The following CDH12 variants were observed in gnomAD, a reference collection of about 807,000 sequenced individuals.
CDH12 encodes the protein cadherin-12.
Under a neutral mutation model 74.1 loss-of-function variants are expected in CDH12, and 41 were observed. The observed-to-expected ratio is 0.55, with a 90% CI of 0.43 to 0.72. The LOEUF is 0.72. CDH12 is among the 30% of genes least tolerant of loss of function. CDH12 has a pLI of 0.00. For synonymous variants in CDH12, 399 were observed against 355.0 expected (o/e 1.12, Z -1.39); for missense variants, 945 against 977.2 (o/e 0.97, Z 0.44).
At chr5:22,539,769 A>C (rs561852237) in intron 1 of CDH12, among the ~76,000 whole-genome samples, 1 of 152,346 alleles carries the variant, frequency 6.6e-6, no homozygotes, top group African/African-American at 2.4e-5. Flanking sequence ...TGATCTGTAG[A>C]GATGCCCTGC....
chr5:22,497,480 C>A (rs1747145878), intron 2 of CDH12, among the ~76,000 whole-genome samples: 1 of 152,002 alleles, frequency 6.6e-6, no homozygotes, highest in African/African-American at 2.4e-5. Flanking sequence ...AGTATCATTG[C>A]TCACCAGGTT....
intron 9 of CDH12, among the ~76,000 whole-genome samples, chr5:21,812,945 G>A (rs11958844): frequency 0.58 from 88,270 of 151,990 alleles, 28,526 homozygotes; most frequent in Non-Finnish European, 0.72. Context: ...AGGCTCTGAA[G>A]TCTCAAATGC....
At chr5:22,407,940 A>G (rs1743007793) in intron 2 of CDH12, among the ~76,000 whole-genome samples, 1 of 152,082 alleles carries the variant, frequency 6.6e-6, no homozygotes, top group African/African-American at 2.4e-5. Flanking sequence ...TACTGTGTAG[A>G]AATAGCCTAT....
intron 7 of CDH12, among the ~76,000 whole-genome samples, chr5:21,848,644 G>A (rs1411035863): frequency 6.6e-6 from 1 of 151,800 alleles, no homozygotes; most frequent in Non-Finnish European, 1.5e-5. Flanking sequence ...TTTTGCTAAT[G>A]TGTTTGAAAG....
At chr5:22,509,742 A>C (rs1477073703) in intron 1 of CDH12, among the ~76,000 whole-genome samples, 1 of 152,204 alleles carries the variant, frequency 6.6e-6, no homozygotes, top group Non-Finnish European at 1.5e-5. Flanking sequence ...TCTGTCCACT[A>C]GTATTGGGAA....
intron 6 of CDH12, among the ~76,000 whole-genome samples, chr5:21,902,021 T>A (rs1336143301): frequency 6.6e-6 from 1 of 152,256 alleles, no homozygotes; most frequent in African/African-American, 2.4e-5. Context: ...TAGGAAACAT[T>A]GTTGAATAAG....
intron 3 of CDH12, among the ~76,000 whole-genome samples, chr5:22,290,832 A>G (rs1377173936): frequency 6.6e-6 from 1 of 152,172 alleles, no homozygotes; most frequent in Non-Finnish European, 1.5e-5. Context: ...TAACAGGCCA[A>G]TAATGAGTAA....
chr5:22,646,944 A>T (rs958784222), intron 1 of CDH12, among the ~76,000 whole-genome samples: 1 of 151,968 alleles, frequency 6.6e-6, no homozygotes, highest in African/African-American at 2.4e-5. Flanking sequence ...ATCACTTAGA[A>T]GTAAAGAAAC....
chr5:22,564,028 T>A (rs566132548), intron 1 of CDH12, among the ~76,000 whole-genome samples: 1 of 152,282 alleles, frequency 6.6e-6, no homozygotes, highest in African/African-American at 2.4e-5. Context: ...ATCGATTATA[T>A]AAATGAAAGA....
At chr5:22,498,442 T>C (rs1747195199) in intron 2 of CDH12, among the ~76,000 whole-genome samples, 1 of 152,016 alleles carries the variant, frequency 6.6e-6, no homozygotes, top group South Asian at 2.1e-4. Context: ...AACACCATAT[T>C]TGAGTAAATT....
chr5:21,917,697 A>C (rs148267452), intron 6 of CDH12, among the ~76,000 whole-genome samples: 88 of 152,322 alleles, frequency 5.8e-4, no homozygotes, highest in Admixed American at 1.6e-3. Flanking sequence ...TGAAACGCTG[A>C]AGCACCCTAT....
At chr5:22,032,656 C>T (rs1738894746) in intron 5 of CDH12, among the ~76,000 whole-genome samples, 2 of 149,092 alleles carry the variant, frequency 1.3e-5, no homozygotes, top group South Asian at 2.1e-4. Flanking sequence ...TGCAGTGAGC[C>T]GAGATCGTGC....
intron 3 of CDH12, among the ~76,000 whole-genome samples, chr5:22,292,508 T>G (rs903915548): frequency 2.0e-5 from 3 of 151,810 alleles, no homozygotes; most frequent in African/African-American, 7.3e-5. Flanking sequence ...GATAAAGAGT[T>G]GAAATCCAAA....
At chr5:21,783,920 A>G (rs879410341) in intron 10 of CDH12, among the ~76,000 whole-genome samples, 4 of 152,196 alleles carry the variant, frequency 2.6e-5, no homozygotes, top group Non-Finnish European at 5.9e-5. Context: ...CTTTGTTTCC[A>G]GAGATAGAAA....
intron 3 of CDH12, among the ~76,000 whole-genome samples, chr5:22,330,699 C>T (rs778699313): frequency 7.6e-5 from 11 of 143,850 alleles, no homozygotes; most frequent in African/African-American, 2.1e-4. Flanking sequence ...AGCAGTGAGC[C>T]GAGATCAGGC....
intron 5 of CDH12, among the ~76,000 whole-genome samples, chr5:22,012,820 C>T (rs1428919467): frequency 7.0e-6 from 1 of 141,938 alleles, no homozygotes; most frequent in African/African-American, 2.7e-5. Flanking sequence ...ACCTTCCTTT[C>T]ATGTGATTTA....
At chr5:22,793,500 T>C (rs1190790892) in intron 1 of CDH12, among the ~76,000 whole-genome samples, 6 of 152,198 alleles carry the variant, frequency 3.9e-5, no homozygotes, top group Non-Finnish European at 8.8e-5. Context: ...GCTGACACCA[T>C]TGTATACTGT....
intron 5 of CDH12, among the ~76,000 whole-genome samples, chr5:22,048,955 C>T (rs1188466528): frequency 6.6e-6 from 1 of 151,992 alleles, no homozygotes; most frequent in African/African-American, 2.4e-5. Flanking sequence ...TTAATCCATT[C>T]ATACTCCAAA....
intron 1 of CDH12, among the ~76,000 whole-genome samples, chr5:22,781,699 C>T (rs1249435612): frequency 6.6e-6 from 1 of 152,150 alleles, no homozygotes; most frequent in Non-Finnish European, 1.5e-5. Context: ...ATTAATTTCC[C>T]CTGCTTCTTC....
Sources: allele counts gnomAD v4.1 joint callset (sites outside exome capture counted in the v4.1 genomes callset), GRCh38; gene constraint gnomAD v4.1.1; transcripts MANE v1.5; gene names NCBI Gene and HGNC (gene_info 2026-07-23, HGNC 2026-07-21).